The following SIDT1 variants were observed in gnomAD, a reference collection of about 807,000 sequenced individuals.
SIDT1 encodes SID1 transmembrane family member 1.
SIDT1 carries 101 observed loss-of-function variants against 107.5 expected under a neutral mutation model. The ratio of observed to expected loss-of-function variants is 0.94; its 90% CI spans 0.80 to 1.11. The LOEUF (loss-of-function observed/expected upper bound fraction) is 1.11, where lower values mean the gene tolerates loss of function less well. Ranked by LOEUF, SIDT1 falls within the 50% of genes least tolerant of loss-of-function variation. The probability of loss-of-function intolerance (pLI) is 0.00; values close to 1 mark genes in which losing one functional copy is unlikely to be tolerated. For missense variants in SIDT1, 1,076 were observed against 1,058.2 expected (o/e 1.02, Z -0.23); for synonymous variants, 395 against 398.2 (o/e 0.99, Z 0.10).
chr3:113,636,281 T>C, the SIDT1 span, among the ~76,000 whole-genome samples: 1 of 152,022 alleles, frequency 6.6e-6, no homozygotes, highest in African/African-American at 2.4e-5. Context: ...TGCGTGCCTG[T>C]AATACCAGCT....
intron 4 of SIDT1, among the ~76,000 whole-genome samples, chr3:113,578,323 C>T (rs1410802140): frequency 6.6e-6 from 1 of 151,912 alleles, no homozygotes; most frequent in Non-Finnish European, 1.5e-5. Context: ...AAAAATTACC[C>T]GGGCATGGTG....
rs766120128 is a variant in SIDT1, at chr3:113,584,689, T to G, written c.836-9T>G. On this transcript the variant is annotated splice_polypyrimidine_tract_variant and intron_variant, in intron 7 of 24. Coordinates refer to ENST00000264852, the MANE Select transcript of SIDT1 (RefSeq NM_017699.3). The stretch of plus-strand genomic sequence containing the variant: ...GTGCTTTGTTCTTTTTTTATTTTTT[T>G]TAAACCAGAAAAGGAAAACCAGACC... The G allele has an allele frequency of 2.5e-6, 4 of 1,586,480 alleles. No homozygotes were observed. In the South Asian group the frequency reaches 4.6e-5, roughly 18 times the overall value.
intron 22 of SIDT1, 21 bp downstream of exon 22, chr3:113,623,553 C>A (rs1039724249): frequency 1.9e-6 from 3 of 1,602,882 alleles, no homozygotes; most frequent in Non-Finnish European, 2.6e-6. Flanking sequence ...GTGCCGGGAG[C>A]GGCTACCTCG....
At chr3:113,573,308 G>C (rs1942627334) in intron 3 of SIDT1, among the ~76,000 whole-genome samples, 1 of 152,262 alleles carries the variant, frequency 6.6e-6, no homozygotes, top group South Asian at 2.1e-4. Context: ...TCTGTGACTG[G>C]GGCTCAGGAG....
intron 20 of SIDT1, among the ~76,000 whole-genome samples, chr3:113,619,092 TG>T (rs1445619515): frequency 6.6e-6 from 1 of 152,224 alleles, no homozygotes; most frequent in Non-Finnish European, 1.5e-5. Context: ...CCCAAATTGC[TG>T]GGATTATAGG....
At chr3:113,592,721 G>A in intron 9 of SIDT1, 1 of 347,100 alleles carries the variant, frequency 2.9e-6, no homozygotes, top group Non-Finnish European at 5.5e-6. Context: ...CCAAGTAGCT[G>A]GGACTACAGG....
chr3:113,622,814 T>C (rs11718013), intron 21 of SIDT1, among the ~76,000 whole-genome samples: 48,749 of 152,026 alleles, frequency 0.32, 7,976 homozygotes, highest in Non-Finnish European at 0.35. Flanking sequence ...GAAAGATGAT[T>C]GTTTACATTG....
At chr3:113,539,961 G>A (rs1488072437) in intron 1 of SIDT1, among the ~76,000 whole-genome samples, 3 of 148,748 alleles carry the variant, frequency 2.0e-5, no homozygotes, top group Non-Finnish European at 3.0e-5. Flanking sequence ...CCGAGATCAC[G>A]CCACTGCACT....
rs1946996194 is a variant in SIDT1, at chr3:113,628,523, T to C, written c.*815T>C. On this transcript the variant is annotated 3_prime_UTR_variant, in exon 25 of 25. Transcript: ENST00000264852. Reference sequence around the variant, plus strand: ...AGAAGGAAAAACAGGAAAAGCTCTTTTAACAGCAGCAGGAACAAGAGAAAT... The same window carrying C: ...AGAAGGAAAAACAGGAAAAGCTCTTCTAACAGCAGCAGGAACAAGAGAAAT... The C allele has an allele frequency of 6.5e-6, 1 of 152,928 alleles. No homozygotes were observed. Among genetic ancestry groups the C allele is most frequent in the South Asian group, 2.1e-4 (1 of 4,826 alleles). 9.5% of individuals were successfully genotyped at this position (152,928 alleles called of 1,614,324 possible). A position where few individuals can be genotyped will look rare whatever the true frequency, so the allele number is the denominator to read the frequency against.
At chr3:113,616,941 G>A (rs1359952302) in intron 20 of SIDT1, among the ~76,000 whole-genome samples, 1 of 152,066 alleles carries the variant, frequency 6.6e-6, no homozygotes, top group Non-Finnish European at 1.5e-5. Flanking sequence ...GCCCACCTTG[G>A]CCTCCCAAAG....
chr3:113,586,200 T>C (rs1254504944), intron 9 of SIDT1, among the ~76,000 whole-genome samples: 1 of 152,172 alleles, frequency 6.6e-6, no homozygotes, highest in Non-Finnish European at 1.5e-5. Flanking sequence ...TCAAAAACAG[T>C]AGATGACTGC....
At chr3:113,540,007 A>C (rs931206631) in intron 1 of SIDT1, among the ~76,000 whole-genome samples, 1 of 133,266 alleles carries the variant, frequency 7.5e-6, no homozygotes, top group Non-Finnish European at 1.5e-5. Flanking sequence ...TCCGTCTCAA[A>C]AAAAAAAAAA....
intron 1 of SIDT1, among the ~76,000 whole-genome samples, chr3:113,565,538 A>C (rs28545609): frequency 0.012 from 1,782 of 152,280 alleles, 37 homozygotes; most frequent in African/African-American, 0.04. Flanking sequence ...GAAAGAAAAA[A>C]AAAGAGAGAG....
At chr3:113,560,035 C>A (rs1461376592) in intron 1 of SIDT1, among the ~76,000 whole-genome samples, 2 of 152,172 alleles carry the variant, frequency 1.3e-5, no homozygotes, top group African/African-American at 4.8e-5. Flanking sequence ...GGAGCACAGG[C>A]TTGGGTTCTA....
intron 19 of SIDT1, among the ~76,000 whole-genome samples, chr3:113,615,742 A>G (rs1341327031): frequency 6.6e-6 from 1 of 152,156 alleles, no homozygotes; most frequent in Non-Finnish European, 1.5e-5. Context: ...GATTGAGGGG[A>G]CCCATAACAT....
At position 113,611,296 on chromosome 3, in the gene SIDT1, A is replaced by G. The variant is rs1258083170; in HGVS notation, c.1857+152A>G. 17 of 931,668 alleles carry G rather than the reference A, an allele frequency of 1.8e-5. 1 individual carries two copies. In the East Asian group the frequency reaches 4.5e-4, roughly 25 times the overall value. The allele number at this position is 931,668 out of a possible 1,614,324, so 57.7% of individuals were successfully genotyped here. ...ATGACACAATTTCATCTCATGACAC[A>G]CTTTCATCATTGGCCCACTCATGGC... On this transcript the variant is annotated intron_variant, in intron 18 of 24. Transcript: ENST00000264852.
intron 9 of SIDT1, among the ~76,000 whole-genome samples, chr3:113,587,425 C>T (rs376415834): frequency 9.2e-5 from 14 of 152,268 alleles, no homozygotes; most frequent in Middle Eastern, 3.4e-3. Flanking sequence ...GGAAAGTATA[C>T]ATTAACTGAT....
At chr3:113,538,195 G>C (rs886619798) in intron 1 of SIDT1, among the ~76,000 whole-genome samples, 2 of 152,212 alleles carry the variant, frequency 1.3e-5, no homozygotes, top group African/African-American at 4.8e-5. Flanking sequence ...GTTTCAACAT[G>C]TGAATTTTGG....
Position 113,601,353 on chromosome 3 carries a change from A to AT in SIDT1, c.1046-229dup, listed in dbSNP as rs553879404. 81 of 381,350 alleles carry AT rather than the reference A, an allele frequency of 2.1e-4. 1 individual carries two copies. In the South Asian group the frequency reaches 5.6e-3, roughly 26 times the overall value. The allele number at this position is 381,350 out of a possible 1,614,324, so 23.6% of individuals were successfully genotyped here. On this transcript the variant is annotated intron_variant, in intron 10 of 24. Transcript: ENST00000264852. Reference sequence around the variant, plus strand: ...GTCATGAAACATTATTCTTCTTTGGATTTTTTCCCCAGTCATTTAAAGGTT... The same window carrying AT: ...GTCATGAAACATTATTCTTCTTTGGATTTTTTTCCCCAGTCATTTAAAGGTT...
Sources: gnomAD v4.1 joint callset for allele counts (sites outside exome capture counted in the v4.1 genomes callset) on GRCh38, gnomAD v4.1.1 for gene constraint, MANE v1.5 for transcripts, NCBI Gene and HGNC (gene_info 2026-07-23, HGNC 2026-07-21) for gene names.